The following RAB33B variants were observed in gnomAD, a reference collection of about 807,000 sequenced individuals.
The protein encoded by RAB33B is ras-related protein Rab-33B.
RAB33B carries 6 observed loss-of-function variants against 15.0 expected under a neutral mutation model. The ratio of observed to expected loss-of-function variants is 0.40; its 90% CI spans 0.22 to 0.79. RAB33B has a LOEUF of 0.79. Ranked by LOEUF, RAB33B falls within the 30% of genes least tolerant of loss-of-function variation. The pLI, the probability that RAB33B is intolerant of heterozygous loss-of-function variation, is 0.37. For missense variants in RAB33B, 257 were observed against 296.4 expected, an observed-to-expected ratio of 0.87 and a Z score of 0.98; for synonymous variants, 117 against 108.3, an observed-to-expected ratio of 1.08 and a Z score of -0.50.
In RAB33B at chr4:139,473,208, C is replaced by T. The variant is rs1186811557; in HGVS notation, c.*82C>T. 11 of 1,213,910 alleles carry T rather than the reference C, an allele frequency of 9.1e-6. 1 individual carries two copies. In the Admixed American group the frequency reaches 1.3e-4, roughly 15 times the overall value. The allele number at this position is 1,213,910 out of a possible 1,614,324, so 75.2% of individuals were successfully genotyped here. On this transcript the variant is annotated 3_prime_UTR_variant, in exon 2 of 2. Transcript: ENST00000305626. Reference sequence around the variant, plus strand: ...ACAGTATTAAGTCATAAGATTTAATCTCAACTATAATGGGTCATCTTGACA... The same window carrying T: ...ACAGTATTAAGTCATAAGATTTAATTTCAACTATAATGGGTCATCTTGACA...
intron 1 of RAB33B, among the ~76,000 whole-genome samples, chr4:139,463,669 A>G (rs901475375): frequency 1.3e-5 from 2 of 152,184 alleles, no homozygotes; most frequent in African/African-American, 4.8e-5. Context: ...CTAAGCCTCA[A>G]GAGTTTTCTA....
chr4:139,473,200 G>A lies in RAB33B; in HGVS notation c.*74G>A. The A allele has an allele frequency of 7.7e-7, 1 of 1,295,030 alleles. No individual in the cohort carries two copies. Among genetic ancestry groups the A allele is most frequent in the Non-Finnish European group, 1.1e-6 (1 of 951,036 alleles). 80.2% of individuals were successfully genotyped at this position (1,295,030 alleles called of 1,614,324 possible). On this transcript the variant is annotated 3_prime_UTR_variant, in exon 2 of 2. Transcript: ENST00000305626. Reference sequence around the variant, plus strand: ...GAAGTATGACAGTATTAAGTCATAAGATTTAATCTCAACTATAATGGGTCA... The same window carrying A: ...GAAGTATGACAGTATTAAGTCATAAAATTTAATCTCAACTATAATGGGTCA...
Position 139,473,850 on chromosome 4 carries a change from G to A in RAB33B, c.*724G>A, listed in dbSNP as rs910677712. The A allele has an allele frequency of 6.7e-6, 1 of 149,864 alleles. No individual in the cohort carries two copies. The highest frequency in any genetic ancestry group is 2.5e-5 in the African/African-American group (1 of 40,788). 9.3% of individuals were successfully genotyped at this position (149,864 alleles called of 1,614,324 possible). On this transcript the variant is annotated 3_prime_UTR_variant, in exon 2 of 2. Transcript: ENST00000305626. ...TTGATTTTCTAATTAATACTTATCA[G>A]ATCTACAAAAATCATTATTATTTTA...
At chr4:139,472,611 C>A in intron 1 of RAB33B, 75 bp from the exon 2 acceptor site, 3 of 1,074,252 alleles carry the variant, frequency 2.8e-6, no homozygotes, top group Non-Finnish European at 4.0e-6. Context: ...AAAGACAATG[C>A]AAGATGATTA....
the RAB33B span, among the ~76,000 whole-genome samples, chr4:139,441,814 C>A: frequency 6.6e-6 from 1 of 152,200 alleles, no homozygotes; most frequent in Non-Finnish European, 1.5e-5. Flanking sequence ...AAGACAGACT[C>A]TGCCAGTGTA....
the RAB33B span, among the ~76,000 whole-genome samples, chr4:139,438,834 T>C: frequency 6.6e-5 from 10 of 152,362 alleles, no homozygotes; most frequent in Non-Finnish European, 8.8e-5. Flanking sequence ...TTACCTTTAC[T>C]TATCTTTATT....
chr4:139,460,330 A>C (rs756730907), intron 1 of RAB33B, among the ~76,000 whole-genome samples: 1 of 152,246 alleles, frequency 6.6e-6, no homozygotes, highest in East Asian at 1.9e-4. Context: ...AATTATGCAC[A>C]TGAAGTTGAA....
chr4:139,454,885 G>A lies in RAB33B; in HGVS notation c.249+441G>A, dbSNP rs77504858. On this transcript the variant is annotated intron_variant, in intron 1 of 1. Transcript: ENST00000305626. Reference sequence around the variant, plus strand: ...TAATAGTTATTAAACATTCATTCGAGCAGTGCCTTAGATGTTGTGGAAGTA... The same window carrying A: ...TAATAGTTATTAAACATTCATTCGAACAGTGCCTTAGATGTTGTGGAAGTA... 8.2e-3 allele frequency among the ~76,000 whole-genome samples: 1,252 copies of A among 152,342 alleles called. 6 individuals are homozygous for A. Among genetic ancestry groups the A allele is most frequent in the Non-Finnish European group, 0.013 (870 of 68,038 alleles).
At chr4:139,458,972 C>G (rs1428217961) in intron 1 of RAB33B, among the ~76,000 whole-genome samples, 1 of 152,124 alleles carries the variant, frequency 6.6e-6, no homozygotes, top group Non-Finnish European at 1.5e-5. Context: ...GATAGTATCT[C>G]ATTGTGGTTT....
intron 1 of RAB33B, among the ~76,000 whole-genome samples, chr4:139,455,162 G>C (rs1160380523): frequency 6.6e-6 from 1 of 152,208 alleles, no homozygotes; most frequent in Non-Finnish European, 1.5e-5. Flanking sequence ...TAATAGTGGA[G>C]AAGGTAGTAT....
the RAB33B span, among the ~76,000 whole-genome samples, chr4:139,439,748 A>C: frequency 2.6e-5 from 4 of 152,038 alleles, no homozygotes; most frequent in Admixed American, 6.6e-5. Context: ...AGACTCAATA[A>C]TTTCCATTAT....
intron 1 of RAB33B, among the ~76,000 whole-genome samples, chr4:139,458,431 A>C (rs563685714): frequency 3.4e-4 from 51 of 152,034 alleles, no homozygotes; most frequent in Non-Finnish European, 6.5e-4. Flanking sequence ...CCCAATAGGT[A>C]TTTTTTCTGA....
At chr4:139,449,782 A>G (rs1749886961), upstream of RAB33B, 1 of 151,276 alleles carries the variant, frequency 6.6e-6, no homozygotes, top group Non-Finnish European at 1.5e-5. Flanking sequence ...TATATCTCCT[A>G]TTAGTTCTAT....
intron 1 of RAB33B, among the ~76,000 whole-genome samples, chr4:139,465,218 T>C (rs1427658135): frequency 1.3e-5 from 2 of 152,212 alleles, no homozygotes; most frequent in East Asian, 3.9e-4. Context: ...TGTCCTTTGC[T>C]CACTTTTTGA....
upstream of RAB33B, chr4:139,452,344 T>C (rs1749943482): frequency 1.3e-5 from 2 of 152,214 alleles, no homozygotes; most frequent in Admixed American, 1.3e-4. Context: ...AAAGAATTTC[T>C]GATGTAGTTT....
chr4:139,476,571 G>C lies in RAB33B; in HGVS notation c.*3445G>C, dbSNP rs1374164638. ...GATTTATCAAACATTTATCAAGTAT[G>C]GGTCATGTGTTCTCTATTTGTGTTA... On this transcript the variant is annotated 3_prime_UTR_variant, in exon 2 of 2. Coordinates refer to ENST00000305626, the MANE Select transcript of RAB33B (RefSeq NM_031296.3). 6.6e-6 allele frequency: 1 copy of C among 152,232 alleles called. No homozygotes were observed. The highest frequency in any genetic ancestry group is 1.5e-5 in the Non-Finnish European group (1 of 68,040). 9.4% of individuals were successfully genotyped at this position (152,232 alleles called of 1,614,324 possible).
upstream of RAB33B, chr4:139,450,132 C>G (rs1749892255): frequency 6.6e-6 from 1 of 152,174 alleles, no homozygotes. Flanking sequence ...TCCCCTTGCA[C>G]CAACCACTAG....
At position 139,454,207 on chromosome 4, in the gene RAB33B, G is replaced by A. The variant is rs1398155774; in HGVS notation, c.12G>A (p.Glu4=). The change falls in exon 1 of 2, where the codon GAG becomes GAA. Residue 4 remains glutamate, a synonymous_variant. Coordinates refer to ENST00000305626, the MANE Select transcript of RAB33B (RefSeq NM_031296.3). ...GGCGGGTCGGGGGAATGGCTGAGGA[G>A]ATGGAGTCGTCGCTCGAGGCAAGCT... MAE[E]MESSLEASFS... is the part of the protein sequence containing the mutation. The A allele has an allele frequency of 8.1e-6, 13 of 1,612,644 alleles. No individual in the cohort carries two copies. The highest frequency in any genetic ancestry group is 1.1e-5 in the Non-Finnish European group (13 of 1,179,208).
Position 139,473,207 on chromosome 4 carries a change from TCTCA to T in RAB33B, c.*82_*85del. The T allele has an allele frequency of 8.1e-7, 1 of 1,237,738 alleles. No homozygotes were observed. The highest frequency in any genetic ancestry group is 1.1e-6 in the Non-Finnish European group (1 of 901,600). The allele number at this position is 1,237,738 out of a possible 1,614,324, so 76.7% of individuals were successfully genotyped here. A position where few individuals can be genotyped will look rare whatever the true frequency, so the allele number is the denominator to read the frequency against. On this transcript the variant is annotated 3_prime_UTR_variant, in exon 2 of 2. Coordinates refer to ENST00000305626, the MANE Select transcript of RAB33B (RefSeq NM_031296.3). ...GACAGTATTAAGTCATAAGATTTAATCTCAACTATAATGGGTCATCTTGACACTT... is the reference window on the plus strand; with the variant it reads ...GACAGTATTAAGTCATAAGATTTAATACTATAATGGGTCATCTTGACACTT...
Sources: gnomAD v4.1 joint callset for allele counts (sites outside exome capture counted in the v4.1 genomes callset) on GRCh38, gnomAD v4.1.1 for gene constraint, MANE v1.5 for transcripts, NCBI Gene and HGNC (gene_info 2026-07-23, HGNC 2026-07-21) for gene names.